The following FGF9 variants were observed in gnomAD, a reference collection of about 807,000 sequenced individuals.
FGF9 encodes fibroblast growth factor 9, also known as fibroblast growth factor 9 (glia-activating factor).
In FGF9, 3 loss-of-function variants were observed where a neutral mutation model predicts 19.9. The ratio of observed to expected loss-of-function variants is 0.15; its 90% CI spans 0.07 to 0.39. The LOEUF is 0.39. Ranked by LOEUF, FGF9 falls within the 10% of genes least tolerant of loss-of-function variation. FGF9 has a pLI of 1.00. For synonymous variants in FGF9, 107 were observed against 106.9 expected, an observed-to-expected ratio of 1.00 and a Z score of -0.01; for missense variants, 175 against 256.8, an observed-to-expected ratio of 0.68 and a Z score of 2.18.
chr13:21,679,679 C>T (rs4770188), intron 1 of FGF9, among the ~76,000 whole-genome samples: 9 of 151,288 alleles, frequency 5.9e-5, no homozygotes, highest in Admixed American at 5.9e-4. Context: ...TAGCTCACGC[C>T]TGTAATCCCA....
chr13:21,674,900 G>A (rs754840447), intron 1 of FGF9, among the ~76,000 whole-genome samples: 15 of 151,470 alleles, frequency 9.9e-5, no homozygotes, highest in Admixed American at 1.3e-4. Context: ...TGGCTCAATA[G>A]AAACCGTTAA....
intron 2 of FGF9, among the ~76,000 whole-genome samples, chr13:21,683,364 CCCACGGAGTG>C (rs1434350309): frequency 1.3e-5 from 2 of 152,018 alleles, no homozygotes; most frequent in African/African-American, 4.8e-5. Context: ...TGAGTGTAGA[CCCACGGAGTG>C]CCAGTGACAA....
intron 2 of FGF9, among the ~76,000 whole-genome samples, chr13:21,688,680 TA>T (rs1872215897): frequency 6.6e-6 from 1 of 152,206 alleles, no homozygotes; most frequent in African/African-American, 2.4e-5. Flanking sequence ...ATCACATGAA[TA>T]TTTTTAACTG....
Position 21,703,423 on chromosome 13 carries a change from A to C in FGF9, c.*1988A>C, listed in dbSNP as rs1872590028. 6.6e-6 allele frequency: 1 copy of C among 152,208 alleles called. No homozygotes were observed. Among genetic ancestry groups the C allele is most frequent in the Admixed American group, 6.5e-5 (1 of 15,280 alleles). 9.4% of individuals were successfully genotyped at this position (152,208 alleles called of 1,614,324 possible). On this transcript the variant is annotated 3_prime_UTR_variant, in exon 3 of 3. Coordinates refer to ENST00000382353, the MANE Select transcript of FGF9 (RefSeq NM_002010.3). ...AAATCTAAGTCTAATATTTGGAATT[A>C]AGATATATTTTAGGGGGAGGGGACA... is the stretch of plus-strand genomic sequence containing the variant.
At chr13:21,690,112 C>T (rs1284571577) in intron 2 of FGF9, among the ~76,000 whole-genome samples, 1 of 152,224 alleles carries the variant, frequency 6.6e-6, no homozygotes, top group Non-Finnish European at 1.5e-5. Context: ...TGAGTTAATA[C>T]TGCTGCACAG....
At chr13:21,682,694 GTTTT>G (rs35215268) in intron 2 of FGF9, among the ~76,000 whole-genome samples, 1 of 123,948 alleles carries the variant, frequency 8.1e-6, no homozygotes. Context: ...CACAACTTCA[GTTTT>G]TTTTTTTTTT....
chr13:21,686,171 A>G (rs760457323), intron 2 of FGF9, among the ~76,000 whole-genome samples: 7 of 152,144 alleles, frequency 4.6e-5, no homozygotes, highest in Non-Finnish European at 8.8e-5. Context: ...CGGGGATTAC[A>G]GTGCGTGCCA....
chr13:21,686,070 T>A (rs1297922833), intron 2 of FGF9, among the ~76,000 whole-genome samples: 1 of 152,190 alleles, frequency 6.6e-6, no homozygotes, highest in Non-Finnish European at 1.5e-5. Context: ...TTAAAGAAGT[T>A]TTTTGATGGA....
Position 21,703,330 on chromosome 13 carries a change from A to C in FGF9, c.*1895A>C, listed in dbSNP as rs1872588725. 6.6e-6 allele frequency: 1 copy of C among 152,212 alleles called. No homozygotes were observed. The highest frequency in any genetic ancestry group is 1.5e-5 in the Non-Finnish European group (1 of 68,042). 9.4% of individuals were successfully genotyped at this position (152,212 alleles called of 1,614,324 possible). A position where few individuals can be genotyped will look rare whatever the true frequency, so the allele number is the denominator to read the frequency against. ...TAGAAGCGCATGACTTATTGTGACG[A>C]TGTCTTGCCTTTCTGTGGTCCAAGT... is the stretch of plus-strand genomic sequence containing the variant. On this transcript the variant is annotated 3_prime_UTR_variant, in exon 3 of 3. Transcript: ENST00000382353.
At chr13:21,673,854 C>T (rs1341277148) in intron 1 of FGF9, 1 of 150,752 alleles carries the variant, frequency 6.6e-6, no homozygotes, top group Non-Finnish European at 1.5e-5. Context: ...GGTGCCCGCT[C>T]GGCCGCCCGG....
At chr13:21,685,388 TTGAGAGTAGA>T (rs2138137427) in intron 2 of FGF9, among the ~76,000 whole-genome samples, 1 of 152,358 alleles carries the variant, frequency 6.6e-6, no homozygotes, top group East Asian at 1.9e-4. Flanking sequence ...CAGGTTTACC[TTGAGAGTAGA>T]TCTAAAAGGT....
At chr13:21,692,362 C>T (rs944900572) in intron 2 of FGF9, among the ~76,000 whole-genome samples, 4 of 151,792 alleles carry the variant, frequency 2.6e-5, no homozygotes, top group Non-Finnish European at 5.9e-5. Context: ...GGCTTGTATT[C>T]TTTTTCCTTT....
chr13:21,674,566 C>G (rs1188287179), intron 1 of FGF9, among the ~76,000 whole-genome samples: 3 of 151,828 alleles, frequency 2.0e-5, no homozygotes, highest in Non-Finnish European at 4.4e-5. Flanking sequence ...GGGCCCGAGC[C>G]GGTTTTATTG....
intron 1 of FGF9, among the ~76,000 whole-genome samples, chr13:21,680,409 A>T (rs962937118): frequency 2.4e-4 from 37 of 152,074 alleles, no homozygotes; most frequent in African/African-American, 8.7e-4. Flanking sequence ...TTTAGTTAGC[A>T]CTTCATTCTC....
Position 21,672,002 on chromosome 13 carries a change from G to A in FGF9, c.90G>A (p.Pro30=), listed in dbSNP as rs145719719. ...GNVPVLPVDS[P]VLLSDHLGQS... ...TGCCCGTGTTGCCGGTGGACAGCCC[G>A]GTTTTGTTAAGTGACCACCTGGGTC... Residue 30 remains proline, a synonymous_variant, in exon 1 of 3, where the codon CCG becomes CCA. Coordinates refer to ENST00000382353, the MANE Select transcript of FGF9 (RefSeq NM_002010.3). The surrounding 1 kb of genome is among the most constrained non-coding windows in gnomAD (Gnocchi z 4.2). The A allele has an allele frequency of 1.9e-5, 30 of 1,614,178 alleles. No individual in the cohort carries two copies. Among genetic ancestry groups the A allele is most frequent in the East Asian group, 8.9e-5 (4 of 44,876 alleles).
intron 1 of FGF9, among the ~76,000 whole-genome samples, chr13:21,677,570 G>A (rs957371950): frequency 6.6e-6 from 1 of 152,204 alleles, no homozygotes; most frequent in African/African-American, 2.4e-5. Context: ...ATTTATTGTG[G>A]ACAAGAGGGT....
At chr13:21,681,172 CTT>C (rs760809029) in intron 2 of FGF9, 27 bp downstream of exon 2, 3 of 1,453,116 alleles carry the variant, frequency 2.1e-6, no homozygotes, top group South Asian at 2.3e-5. Flanking sequence ...CTTCATCCAG[CTT>C]TATCTCCATG....
chr13:21,671,385 C>G lies in FGF9; in HGVS notation c.-528C>G, dbSNP rs565936638. The G allele has an allele frequency of 2.5e-6, 1 of 394,574 alleles. No homozygotes were observed. The highest frequency in any genetic ancestry group is 4.5e-6 in the Non-Finnish European group (1 of 224,414). The allele number at this position is 394,574 out of a possible 1,614,324, so 24.4% of individuals were successfully genotyped here. The stretch of plus-strand genomic sequence containing the variant: ...CGCCACCAACGTGAGATTTTTTTTT[C>G]CCCTTGAAGGATTCATGCTGATGTC... On this transcript the variant is annotated 5_prime_UTR_variant, in exon 1 of 3. Coordinates refer to ENST00000382353, the MANE Select transcript of FGF9 (RefSeq NM_002010.3).
Position 21,677,262 on chromosome 13 carries a change from C to T in FGF9, c.278-3780C>T. 1.3e-5 allele frequency among the ~76,000 whole-genome samples: 2 copies of T among 152,168 alleles called. 1 individual carries two copies. The highest frequency in any genetic ancestry group is 3.8e-4 in the East Asian group (2 of 5,198). On this transcript the variant is annotated intron_variant, in intron 1 of 2. Transcript: ENST00000382353. ...GGCTGCCATGGTACACATGTGTGTG[C>T]CACAGTTCTAATTTTAGGCACAAAC...
Sources: gnomAD v4.1 joint callset for allele counts (sites outside exome capture counted in the v4.1 genomes callset) on GRCh38, gnomAD v4.1.1 for gene constraint, Gnocchi (gnomAD v3.1) non-coding constraint, MANE v1.5 for transcripts, NCBI Gene and HGNC (gene_info 2026-07-23, HGNC 2026-07-21) for gene names.